The following GPR37L1 variants were observed in gnomAD, a reference collection of about 807,000 sequenced individuals.
The protein encoded by GPR37L1 is G protein-coupled receptor 37 like 1.
A neutral mutation model predicts 18.0 loss-of-function variants in GPR37L1; 18 were observed. The observed-to-expected ratio is 1.00, with a 90% CI of 0.69 to 1.49. GPR37L1 has a LOEUF of 1.49. GPR37L1 is among the 40% of genes most tolerant of loss of function. The pLI is 0.00. For synonymous variants in GPR37L1, 256 were observed against 273.9 expected, an observed-to-expected ratio of 0.93 and a Z score of 0.65; for missense variants, 558 against 615.1, an observed-to-expected ratio of 0.91 and a Z score of 0.98.
chr1:202,127,678 T>C (rs1320037622), intron 1 of GPR37L1, 63 bp from the exon 2 acceptor site: 2 of 1,173,996 alleles, frequency 1.7e-6, no homozygotes, highest in South Asian at 1.5e-5. Flanking sequence ...AAGCCAGGTG[T>C]CCTTCCTTGT....
rs1654749074 is a variant in GPR37L1 at position 202,128,660 on chromosome 1, G to A, written c.*104G>A. On this transcript the variant is annotated 3_prime_UTR_variant, in exon 2 of 2. Coordinates refer to ENST00000367282, the MANE Select transcript of GPR37L1 (RefSeq NM_004767.5). The stretch of plus-strand genomic sequence containing the variant: ...TTTGTTGCCTGTCTTGCTGTCTAGG[G>A]ATGGACTTGGTTCCTCTTGTCAAGG... The A allele has an allele frequency of 1.4e-6, 1 of 713,180 alleles. No individual in the cohort carries two copies. The highest frequency in any genetic ancestry group is 1.9e-5 in the South Asian group (1 of 52,030). The allele number at this position is 713,180 out of a possible 1,614,324, so 44.2% of individuals were successfully genotyped here.
At position 202,128,141 on chromosome 1, in the gene GPR37L1, A is replaced by G. The variant is rs775957712; in HGVS notation, c.1031A>G (p.Glu344Gly). The change falls in exon 2 of 2, where the codon GAG (glutamate) becomes GGG (glycine). Residue 344 changes from glutamate (E) to glycine (G), a missense_variant. Physicochemically the swap from Glu to Gly is moderately conservative, Grantham distance 98. Transcript: ENST00000367282. ...CGAGGCCCTCCAGGGAGGAAGTCAG[A>G]GTGCAGGGCCAGCAAGCACGAGCAG... ...RVRGPPGRKS[E>G]CRASKHEQCE... 17 of 1,613,998 alleles carry G rather than the reference A, an allele frequency of 1.1e-5. No individual in the cohort carries two copies. The African/African-American group carries it at 2.1e-4, about 20-fold the overall frequency.
chr1:202,128,806 A>C lies in GPR37L1; in HGVS notation c.*250A>C. ...TCTAGGTCCTTAGAACTGCCCAGAA[A>C]CTCTGAGTCCCAGCAGCTGGGAGCC... On this transcript the variant is annotated 3_prime_UTR_variant, in exon 2 of 2. Transcript: ENST00000367282. 2.6e-6 allele frequency: 1 copy of C among 380,584 alleles called. No homozygotes were observed. The highest frequency in any genetic ancestry group is 4.7e-6 in the Non-Finnish European group (1 of 213,178). 23.6% of individuals were successfully genotyped at this position (380,584 alleles called of 1,614,324 possible).
Position 202,127,605 on chromosome 1 carries a change from C to T in GPR37L1, c.631-136C>T, listed in dbSNP as rs934632592. The T allele has an allele frequency of 4.1e-5, 27 of 651,684 alleles. No individual in the cohort carries two copies. In the Middle Eastern group the frequency reaches 8.6e-4, roughly 21 times the overall value. 40.4% of individuals were successfully genotyped at this position (651,684 alleles called of 1,614,324 possible). A position where few individuals can be genotyped will look rare whatever the true frequency, so the allele number is the denominator to read the frequency against. On this transcript the variant is annotated intron_variant, in intron 1 of 1. Coordinates refer to ENST00000367282, the MANE Select transcript of GPR37L1 (RefSeq NM_004767.5). ...TGCTGGGATTACAGGTGTGAGTCAC[C>T]GCACCCGGCCCATTATTATAATTTC...
At chr1:202,127,139 G>A (rs1433750938) in intron 1 of GPR37L1, among the ~76,000 whole-genome samples, 1 of 152,164 alleles carries the variant, frequency 6.6e-6, no homozygotes, top group African/African-American at 2.4e-5. Flanking sequence ...GTGGTCCTGG[G>A]CAATTCACTG....
Position 202,127,888 on chromosome 1 carries a change from A to C in GPR37L1, c.778A>C (p.Met260Leu), listed in dbSNP as rs1234027497. The change falls in exon 2 of 2, where the codon ATG becomes CTG. Residue 260 changes from methionine to leucine, a missense_variant. By Grantham distance (15) the Met-to-Leu change is conservative. Coordinates refer to ENST00000367282, the MANE Select transcript of GPR37L1 (RefSeq NM_004767.5). ...GTTGGCTGTCATCTGGGTGGGCTCC[A>C]TGACGCTGGCTGTGCCTGAGCTCCT... ...AKLAVIWVGS[M>L]TLAVPELLLW... 6.2e-7 allele frequency: 1 copy of C among 1,613,852 alleles called. No homozygotes were observed. Among genetic ancestry groups the C allele is most frequent in the South Asian group, 1.1e-5 (1 of 91,080 alleles).
rs750143061 is a variant in GPR37L1 at position 202,123,395 on chromosome 1, C to T, written c.432C>T (p.Gly144=). 2 of 1,614,130 alleles carry T rather than the reference C, an allele frequency of 1.2e-6. No individual in the cohort carries two copies. Among genetic ancestry groups the T allele is most frequent in the Non-Finnish European group, 8.5e-7 (1 of 1,180,004 alleles). ...TGGCGCTGGTGGTGTTTGCGGTGGG[C>T]ATTGTGGGCAACCTGTCGGTCATGT... ...MLLALVVFAV[G]IVGNLSVMCI... is the part of the protein sequence containing the mutation. The change falls in exon 1 of 2, where the codon GGC becomes GGT. Residue 144 remains glycine (G), a synonymous_variant. Transcript: ENST00000367282.
At position 202,132,236 on chromosome 1, in the gene GPR37L1, G is replaced by T. The variant is rs1031236731; in HGVS notation, c.*3680G>T. 2 of 152,244 alleles carry T rather than the reference G, an allele frequency of 1.3e-5. No homozygotes were observed. The highest frequency in any genetic ancestry group is 2.4e-5 in the African/African-American group (1 of 41,466). The allele number at this position is 152,244 out of a possible 1,614,324, so 9.4% of individuals were successfully genotyped here. A position where few individuals can be genotyped will look rare whatever the true frequency, so the allele number is the denominator to read the frequency against. ...TCCTCTCCCGGGATCCCAGGCCCAG[G>T]AAAACCTAGCCATGCTTGCAGTCAG... On this transcript the variant is annotated 3_prime_UTR_variant, in exon 2 of 2. Coordinates refer to ENST00000367282, the MANE Select transcript of GPR37L1 (RefSeq NM_004767.5).
At chr1:202,127,307 T>C (rs72746621) in intron 1 of GPR37L1, among the ~76,000 whole-genome samples, 34,092 of 138,768 alleles carry the variant, frequency 0.25, 5,130 homozygotes, top group South Asian at 0.36. Flanking sequence ...TCCTTCCTTC[T>C]TTCCTTCCTT....
Position 202,122,957 on chromosome 1 carries a change from T to A in GPR37L1, c.-7T>A. The A allele has an allele frequency of 6.2e-7, 1 of 1,612,246 alleles. No individual in the cohort carries two copies. Reference sequence around the variant, plus strand: ...TCCTGGGCTGGCTGTCTCCTGCTCATCCAGCCATGCGGTGGCTGTGGCCCC... The same window carrying A: ...TCCTGGGCTGGCTGTCTCCTGCTCAACCAGCCATGCGGTGGCTGTGGCCCC... On this transcript the variant is annotated 5_prime_UTR_variant, in exon 1 of 2. Transcript: ENST00000367282.
rs1393865057 is a variant in GPR37L1 at position 202,128,146 on chromosome 1, A to G, written c.1036A>G (p.Arg346Gly). The change falls in exon 2 of 2, where the codon AGG becomes GGG. Residue 346 changes from arginine to glycine, a missense_variant. Coordinates refer to ENST00000367282, the MANE Select transcript of GPR37L1 (RefSeq NM_004767.5). ...RGPPGRKSECRASKHEQCESQ... is the reference protein window; with the variant it reads ...RGPPGRKSECGASKHEQCESQ... ...CCCTCCAGGGAGGAAGTCAGAGTGC[A>G]GGGCCAGCAAGCACGAGCAGTGTGA... The G allele has an allele frequency of 6.2e-7, 1 of 1,614,036 alleles. No homozygotes were observed. The highest frequency in any genetic ancestry group is 8.5e-7 in the Non-Finnish European group (1 of 1,180,012).
chr1:202,128,528 C>T lies in GPR37L1; in HGVS notation c.1418C>T (p.Pro473Leu), dbSNP rs1300458708. 8.8e-6 allele frequency: 14 copies of T among 1,582,760 alleles called. No individual in the cohort carries two copies. Among genetic ancestry groups the T allele is most frequent in the East Asian group, 2.2e-5 (1 of 44,504 alleles). The change falls in exon 2 of 2, where the codon CCA (proline) becomes CTA (leucine). Residue 473 changes from proline (P) to leucine (L), a missense_variant. By Grantham distance (98) the Pro-to-Leu change is moderately conservative (BLOSUM62 -3). Transcript: ENST00000367282. Reference protein sequence around the residue: ...IYFHKPRESPPLLPLGTPC With the variant: ...IYFHKPRESPLLLPLGTPC The stretch of plus-strand genomic sequence containing the variant: ...TTCCACAAGCCCAGGGAGTCACCCC[C>T]ACTCCTGCCCCTGGGCACACCTTGC...
chr1:202,128,669 G>T lies in GPR37L1; in HGVS notation c.*113G>T, dbSNP rs1057492478. 2 of 681,456 alleles carry T rather than the reference G, an allele frequency of 2.9e-6. No homozygotes were observed. Among genetic ancestry groups the T allele is most frequent in the African/African-American group, 1.8e-5 (1 of 55,188 alleles). 42.2% of individuals were successfully genotyped at this position (681,456 alleles called of 1,614,324 possible). ...TGTCTTGCTGTCTAGGGATGGACTTGGTTCCTCTTGTCAAGGTTTGGGAAT... is the reference window on the plus strand; with the variant it reads ...TGTCTTGCTGTCTAGGGATGGACTTTGTTCCTCTTGTCAAGGTTTGGGAAT... On this transcript the variant is annotated 3_prime_UTR_variant, in exon 2 of 2. Transcript: ENST00000367282.
Position 202,128,642 on chromosome 1 carries a change from C to A in GPR37L1, c.*86C>A. 1.2e-6 allele frequency: 1 copy of A among 821,102 alleles called. No homozygotes were observed. Among genetic ancestry groups the A allele is most frequent in the Non-Finnish European group, 1.9e-6 (1 of 522,218 alleles). 50.9% of individuals were successfully genotyped at this position (821,102 alleles called of 1,614,324 possible). ...TTTCCCCATAGGTCTTGCTTTGTTG[C>A]CTGTCTTGCTGTCTAGGGATGGACT... On this transcript the variant is annotated 3_prime_UTR_variant, in exon 2 of 2. Coordinates refer to ENST00000367282, the MANE Select transcript of GPR37L1 (RefSeq NM_004767.5).
intron 1 of GPR37L1, among the ~76,000 whole-genome samples, chr1:202,126,832 A>C (rs1412463727): frequency 1.2e-5 from 1 of 81,008 alleles, no homozygotes; most frequent in African/African-American, 4.3e-5. Context: ...CAGGAGCAGA[A>C]ACGTGCGTGT....
intron 1 of GPR37L1, among the ~76,000 whole-genome samples, chr1:202,126,655 C>T (rs1207856242): frequency 3.9e-5 from 6 of 152,148 alleles, no homozygotes; most frequent in Admixed American, 3.9e-4. Flanking sequence ...CCTCTTCCTT[C>T]CTGCTCTTTG....
intron 1 of GPR37L1, among the ~76,000 whole-genome samples, chr1:202,127,061 G>C (rs1654682334): frequency 6.6e-6 from 1 of 152,164 alleles, no homozygotes; most frequent in Non-Finnish European, 1.5e-5. Context: ...CCCAGCCTGA[G>C]AGGCAAAGAA....
intron 1 of GPR37L1, among the ~76,000 whole-genome samples, chr1:202,127,274 C>T (rs1230182146): frequency 7.2e-6 from 1 of 139,266 alleles, no homozygotes; most frequent in African/African-American, 2.7e-5. Context: ...ATAATTCCTT[C>T]CTTCTTTCCT....
In GPR37L1 at chr1:202,131,921, A is replaced by C. The variant is rs1039245791; in HGVS notation, c.*3365A>C. The C allele has an allele frequency of 1.3e-5, 2 of 148,836 alleles. No homozygotes were observed. The highest frequency in any genetic ancestry group is 5.0e-5 in the African/African-American group (2 of 40,098). The allele number at this position is 148,836 out of a possible 1,614,324, so 9.2% of individuals were successfully genotyped here. A position where few individuals can be genotyped will look rare whatever the true frequency, so the allele number is the denominator to read the frequency against. On this transcript the variant is annotated 3_prime_UTR_variant, in exon 2 of 2. Transcript: ENST00000367282. ...CTGTCTAATTTTTGATTATTTGTAGAGATAGGGTCTCACTATTTTGCCCAG... is the reference window on the plus strand; with the variant it reads ...CTGTCTAATTTTTGATTATTTGTAGCGATAGGGTCTCACTATTTTGCCCAG...
Sources: allele counts gnomAD v4.1 joint callset (sites outside exome capture counted in the v4.1 genomes callset), GRCh38; gene constraint gnomAD v4.1.1; transcripts MANE v1.5; gene names NCBI Gene and HGNC (gene_info 2026-07-23, HGNC 2026-07-21).